The following FKBP4 variants were observed in gnomAD, a reference collection of about 807,000 sequenced individuals.
The protein encoded by FKBP4 is peptidyl-prolyl cis-trans isomerase FKBP4.
In FKBP4, 28 loss-of-function variants were observed where a neutral mutation model predicts 54.1. The observed-to-expected ratio is 0.52, with a 90% CI of 0.38 to 0.71. The LOEUF is 0.71. FKBP4 is among the 30% of genes least tolerant of loss of function. FKBP4 has a pLI of 0.00. For missense variants in FKBP4, 493 were observed against 574.4 expected (o/e 0.86, Z 1.45); for synonymous variants, 223 against 216.1 (o/e 1.03, Z -0.28).
chr12:2,796,663 C>T (rs2097902034), intron 1 of FKBP4: 1 of 1,095,064 alleles, frequency 9.1e-7, no homozygotes, highest in South Asian at 2.4e-5. Context: ...ACTCATACTC[C>T]TCTCGCTCTC....
intron 9 of FKBP4, 63 bp downstream of exon 9, chr12:2,801,419 C>A: frequency 6.2e-7 from 1 of 1,600,352 alleles, no homozygotes; most frequent in Non-Finnish European, 8.5e-7. Context: ...CTACTGTGGG[C>A]TCTTTGTGCC....
rs1316300923 is a variant in FKBP4, at chr12:2,804,634, C to T, written c.*1376C>T. On this transcript the variant is annotated 3_prime_UTR_variant, in exon 10 of 10. Coordinates refer to ENST00000001008, the MANE Select transcript of FKBP4 (RefSeq NM_002014.4). ...TGTCTGCCCTCATCCCTCTCTCCTA[C>T]TGTGAGCTCTCCAGTCCTTTCCCAA... The T allele has an allele frequency of 1.3e-5, 2 of 152,834 alleles. No individual in the cohort carries two copies. The highest frequency in any genetic ancestry group is 2.9e-5 in the Non-Finnish European group (2 of 68,522). The allele number at this position is 152,834 out of a possible 1,614,324, so 9.5% of individuals were successfully genotyped here. A position where few individuals can be genotyped will look rare whatever the true frequency, so the allele number is the denominator to read the frequency against.
chr12:2,796,076 C>CA (rs2097901660), intron 1 of FKBP4: 1 of 1,189,074 alleles, frequency 8.4e-7, no homozygotes, highest in Admixed American at 3.6e-5. Context: ...TGGGCCAGGA[C>CA]AACCTGCCTT....
chr12:2,804,048 G>T lies in FKBP4; in HGVS notation c.*790G>T, dbSNP rs1349261073. The T allele has an allele frequency of 8.3e-6, 1 of 120,382 alleles. No individual in the cohort carries two copies. The highest frequency in any genetic ancestry group is 2.6e-4 in the East Asian group (1 of 3,908). 7.5% of individuals were successfully genotyped at this position (120,382 alleles called of 1,614,324 possible). ...AGGGGTCACCCACTTAGTTCCAGTT[G>T]AGCTTAAATAAGTGAGCATCTCATG... On this transcript the variant is annotated 3_prime_UTR_variant, in exon 10 of 10. Coordinates refer to ENST00000001008, the MANE Select transcript of FKBP4 (RefSeq NM_002014.4).
chr12:2,797,647 G>A, intron 2 of FKBP4, 82 bp from the exon 3 acceptor site: 1 of 1,495,430 alleles, frequency 6.7e-7, no homozygotes, highest in Non-Finnish European at 9.0e-7. Flanking sequence ...CATGAGTGTG[G>A]TGCAGTAACT....
Position 2,795,868 on chromosome 12 carries a change from C to T in FKBP4, c.105+624C>T. The T allele has an allele frequency of 2.4e-6, 2 of 820,204 alleles. No homozygotes were observed. Among genetic ancestry groups the T allele is most frequent in the South Asian group, 5.3e-5 (1 of 19,016 alleles). The allele number at this position is 820,204 out of a possible 1,614,324, so 50.8% of individuals were successfully genotyped here. ...CCCAGCGAGGTCCCCACTCGCCGCGCGGCGCCCCCTCCCTCGGCCCCGGGG... is the reference window on the plus strand; with the variant it reads ...CCCAGCGAGGTCCCCACTCGCCGCGTGGCGCCCCCTCCCTCGGCCCCGGGG... On this transcript the variant is annotated intron_variant, in intron 1 of 9. Transcript: ENST00000001008. This position sits in a 1 kb window ranked among gnomAD's most constrained non-coding sequence, Gnocchi z 4.3.
At chr12:2,797,307 G>T (rs2153919351) in intron 2 of FKBP4, 25 bp downstream of exon 2, 1 of 1,613,256 alleles carries the variant, frequency 6.2e-7, no homozygotes, top group East Asian at 2.2e-5. Context: ...TGGGCTGGTA[G>T]GATAGGTTCG....
chr12:2,797,781 G>C lies in FKBP4; in HGVS notation c.303G>C (p.Glu101Asp). ...DIAIATMKVGEVCHITCKPEY... is the reference protein window; with the variant it reads ...DIAIATMKVGDVCHITCKPEY... ...CCATAGCCACCATGAAGGTGGGGGAGGTGTGCCACATCACCTGCAAACCAG... is the reference window on the plus strand; with the variant it reads ...CCATAGCCACCATGAAGGTGGGGGACGTGTGCCACATCACCTGCAAACCAG... Residue 101 changes from glutamate (E) to aspartate (D), a missense_variant, in exon 3 of 10, where the codon GAG (glutamate) becomes GAC (aspartate). Transcript: ENST00000001008. The C allele has an allele frequency of 6.2e-7, 1 of 1,613,970 alleles. No homozygotes were observed. The highest frequency in any genetic ancestry group is 8.5e-7 in the Non-Finnish European group (1 of 1,179,912).
At chr12:2,803,121 C>A in intron 9 of FKBP4, 30 bp from the exon 10 acceptor site, 2 of 1,494,914 alleles carry the variant, frequency 1.3e-6, no homozygotes, top group Non-Finnish European at 1.8e-6. Flanking sequence ...CTTGGGAAGT[C>A]AGCCCGTTTG....
At chr12:2,801,748 C>A in intron 9 of FKBP4, 2 of 359,064 alleles carry the variant, frequency 5.6e-6, no homozygotes, top group South Asian at 2.1e-5. Flanking sequence ...AATGAAACCC[C>A]ATCTCAAAAA....
In FKBP4 at chr12:2,803,520, A is replaced by G. The variant is rs1371786061; in HGVS notation, c.*262A>G. ...ATCCATATATATTCATCAGAATGTT[A>G]ATTTATTTTGCTCCCTCTGTTAGGT... On this transcript the variant is annotated 3_prime_UTR_variant, in exon 10 of 10. Transcript: ENST00000001008. 1 of 399,076 alleles carries G rather than the reference A, an allele frequency of 2.5e-6. No individual in the cohort carries two copies. Among genetic ancestry groups the G allele is most frequent in the African/African-American group, 2.0e-5 (1 of 50,286 alleles). 24.7% of individuals were successfully genotyped at this position (399,076 alleles called of 1,614,324 possible).
At chr12:2,801,513 C>A in intron 9 of FKBP4, 157 bp downstream of exon 9, 1 of 1,052,108 alleles carries the variant, frequency 9.5e-7, no homozygotes, top group Non-Finnish European at 1.4e-6. Flanking sequence ...CTGTTGGGGC[C>A]AGTGTTCTGT....
At chr12:2,797,026 A>C in intron 1 of FKBP4, 112 bp from the exon 2 acceptor site, 1 of 1,489,808 alleles carries the variant, frequency 6.7e-7, no homozygotes, top group East Asian at 2.4e-5. Context: ...TAGGCAGAGG[A>C]GGATGAACAC....
Position 2,798,639 on chromosome 12 carries a change from A to C in FKBP4, c.394-67A>C. ...CAGTTAGTAGGGACTCTCTCGGATG[A>C]GAAAGATTGTGTTTCACTGCCCATG... On this transcript the variant is annotated intron_variant, in intron 3 of 9. Coordinates refer to ENST00000001008, the MANE Select transcript of FKBP4 (RefSeq NM_002014.4). The surrounding 1 kb of genome is among the most constrained non-coding windows in gnomAD (Gnocchi z 4.3). 1.2e-6 allele frequency: 2 copies of C among 1,608,286 alleles called. No homozygotes were observed. The highest frequency in any genetic ancestry group is 1.7e-6 in the Non-Finnish European group (2 of 1,177,176).
chr12:2,796,809 C>A (rs1048837574), intron 1 of FKBP4: 32 of 1,100,098 alleles, frequency 2.9e-5, no homozygotes, highest in Non-Finnish European at 3.3e-5. Flanking sequence ...AATCTTCCAA[C>A]AACTGTAGGA....
At chr12:2,802,804 T>C (rs952813075) in intron 9 of FKBP4, among the ~76,000 whole-genome samples, 2 of 152,202 alleles carry the variant, frequency 1.3e-5, no homozygotes, top group African/African-American at 4.8e-5. Flanking sequence ...CTCAGTTCAC[T>C]GTAACCTCTG....
At chr12:2,802,327 G>A (rs565258110) in intron 9 of FKBP4, among the ~76,000 whole-genome samples, 2 of 152,158 alleles carry the variant, frequency 1.3e-5, no homozygotes, top group South Asian at 2.1e-4. Flanking sequence ...TAGTACAGAC[G>A]AAGTTTCATC....
At chr12:2,797,069 T>C (rs1306277902) in intron 1 of FKBP4, 69 bp from the exon 2 acceptor site, 3 of 1,595,318 alleles carry the variant, frequency 1.9e-6, no homozygotes, top group Middle Eastern at 2.3e-4. Context: ...TCTGGAGGCT[T>C]GCAGGCAGTG....
intron 2 of FKBP4, 93 bp from the exon 3 acceptor site, chr12:2,797,636 C>G (rs1207839667): frequency 1.4e-6 from 2 of 1,448,114 alleles, no homozygotes; most frequent in African/African-American, 2.8e-5. Context: ...TCCAGCTTCC[C>G]CATGAGTGTG....
Sources: allele counts gnomAD v4.1 joint callset (sites outside exome capture counted in the v4.1 genomes callset), GRCh38; gene constraint gnomAD v4.1.1; non-coding constraint Gnocchi (gnomAD v3.1); transcripts MANE v1.5; gene names NCBI Gene and HGNC (gene_info 2026-07-23, HGNC 2026-07-21).